The following UBR3 variants were observed in gnomAD, a reference collection of about 807,000 sequenced individuals.
The protein encoded by UBR3 is ubiquitin protein ligase E3 component n-recognin 3.
Under a neutral mutation model 243.2 loss-of-function variants are expected in UBR3, and 85 were observed. The ratio of observed to expected loss-of-function variants is 0.35; its 90% CI spans 0.29 to 0.42. The LOEUF (loss-of-function observed/expected upper bound fraction) is 0.42, where lower values mean the gene tolerates loss of function less well. Among genes scored for constraint, UBR3 ranks in the 10% least tolerant of loss-of-function variants. UBR3 has a pLI of 1.00. For synonymous variants in UBR3, 748 were observed against 799.8 expected (o/e 0.94, Z 1.09); for missense variants, 1,686 against 2,300.8 (o/e 0.73, Z 5.47).
intron 30 of UBR3, among the ~76,000 whole-genome samples, chr2:170,025,825 C>T (rs1466276962): frequency 6.6e-6 from 1 of 152,136 alleles, no homozygotes; most frequent in Admixed American, 6.6e-5. Context: ...GTAGTGGTGT[C>T]ATTCACTCAA....
intron 30 of UBR3, among the ~76,000 whole-genome samples, chr2:170,025,945 T>A (rs1460855437): frequency 1.3e-5 from 2 of 152,100 alleles, no homozygotes; most frequent in South Asian, 2.1e-4. Context: ...ATCAGGTTAG[T>A]CTGGGTGTAT....
intron 8 of UBR3, among the ~76,000 whole-genome samples, chr2:169,900,066 C>T (rs1337830898): frequency 5.9e-5 from 9 of 152,168 alleles, no homozygotes; most frequent in African/African-American, 1.9e-4. Context: ...CTTGAGGAAT[C>T]GCCACACTGT....
At chr2:169,964,571 G>A in intron 24 of UBR3, 3 of 407,770 alleles carry the variant, frequency 7.4e-6, no homozygotes, top group South Asian at 3.8e-5. Flanking sequence ...GAAATGGGAA[G>A]CTCAGGCAGA....
intron 14 of UBR3, 98 bp downstream of exon 14, chr2:169,925,845 GC>G: frequency 9.0e-7 from 1 of 1,108,686 alleles, no homozygotes; most frequent in East Asian, 3.0e-5. Context: ...ACATGGAGAG[GC>G]CAATGCCATT....
intron 35 of UBR3, among the ~76,000 whole-genome samples, chr2:170,072,815 GA>G (rs1335610326): frequency 6.6e-6 from 1 of 151,890 alleles, no homozygotes; most frequent in Non-Finnish European, 1.5e-5. Context: ...AGGGATTGGG[GA>G]ATATATTTCT....
chr2:169,852,880 AAAACC>A lies in UBR3; in HGVS notation c.546-19351_546-19347del, dbSNP rs1559021215. 7.4e-5 allele frequency among the ~76,000 whole-genome samples: 4 copies of A among 54,328 alleles called. 2 individuals carry two copies. The highest frequency in any genetic ancestry group is 2.5e-4 in the Non-Finnish European group (4 of 16,256). 35.6% of individuals were successfully genotyped at this position (54,328 alleles called of 152,430 possible). A position where few individuals can be genotyped will look rare whatever the true frequency, so the allele number is the denominator to read the frequency against. On this transcript the variant is annotated intron_variant, in intron 1 of 38. Coordinates refer to ENST00000272793, the MANE Select transcript of UBR3 (RefSeq NM_172070.4). ...AAAAAAAAAAAAAAAAAAAAAAAACAAAACCAAACAAATTGAGTCCTTTAAGAGAG... is the reference window on the plus strand; with the variant it reads ...AAAAAAAAAAAAAAAAAAAAAAAACAAAACAAATTGAGTCCTTTAAGAGAG...
chr2:169,901,537 A>G (rs543594831), intron 8 of UBR3, among the ~76,000 whole-genome samples: 18 of 152,322 alleles, frequency 1.2e-4, no homozygotes, highest in Admixed American at 9.8e-4. Flanking sequence ...AGCCACGGAT[A>G]TTACAACAGG....
At chr2:169,979,206 A>G (rs2105382535) in intron 24 of UBR3, among the ~76,000 whole-genome samples, 1 of 152,344 alleles carries the variant, frequency 6.6e-6, no homozygotes, top group South Asian at 2.1e-4. Context: ...CAACAGTGAG[A>G]TACCACTACA....
intron 11 of UBR3, 107 bp downstream of exon 11, chr2:169,914,253 C>T (rs975043696): frequency 2.2e-5 from 11 of 496,534 alleles, no homozygotes; most frequent in South Asian, 6.4e-5. Context: ...TTTTCATAGG[C>T]GAGGGAAGGA....
chr2:169,828,125 C>T, intron 1 of UBR3, 73 bp downstream of exon 1: 3 of 1,262,520 alleles, frequency 2.4e-6, no homozygotes, highest in South Asian at 1.9e-5. Context: ...GAGCGGAGCA[C>T]TGGGAGCCCA....
At chr2:169,893,728 A>G (rs2084465075) in intron 6 of UBR3, among the ~76,000 whole-genome samples, 1 of 151,622 alleles carries the variant, frequency 6.6e-6, no homozygotes, top group South Asian at 2.1e-4. Flanking sequence ...CACCTGGCTG[A>G]TTTTCGTATT....
At chr2:170,028,991 T>C (rs2090603041) in intron 30 of UBR3, among the ~76,000 whole-genome samples, 1 of 151,798 alleles carries the variant, frequency 6.6e-6, no homozygotes, top group Non-Finnish European at 1.5e-5. Flanking sequence ...GGGTAGAGGA[T>C]TGAAGATAAT....
At chr2:169,886,375 C>T (rs2084101144) in intron 5 of UBR3, among the ~76,000 whole-genome samples, 2 of 152,104 alleles carry the variant, frequency 1.3e-5, no homozygotes, top group Admixed American at 6.5e-5. Flanking sequence ...TACTTCCAAT[C>T]GTAGGGAGCT....
chr2:169,939,294 TG>T (rs1485822369), intron 19 of UBR3, among the ~76,000 whole-genome samples: 1 of 150,684 alleles, frequency 6.6e-6, no homozygotes, highest in Non-Finnish European at 1.5e-5. Flanking sequence ...AGTCTCGCCC[TG>T]TTGCCCAGGC....
intron 38 of UBR3, 73 bp from the exon 39 acceptor site, chr2:170,081,653 A>G (rs2091909318): frequency 5.6e-5 from 67 of 1,201,764 alleles, no homozygotes; most frequent in Admixed American, 9.6e-5. Context: ...TGTCTCAGAA[A>G]AAAAAGAAGA....
At chr2:170,055,324 AAAAC>A (rs1222895027) in intron 32 of UBR3, 132 bp from the exon 33 acceptor site, 3 of 1,027,246 alleles carry the variant, frequency 2.9e-6, no homozygotes, top group African/African-American at 1.6e-5. Context: ...CCTCGTCTCA[AAAAC>A]AAACAAAAAA....
At chr2:170,011,626 C>CTTTTTTT (rs35877456) in intron 29 of UBR3, among the ~76,000 whole-genome samples, 19 of 123,290 alleles carry the variant, frequency 1.5e-4, no homozygotes, top group Middle Eastern at 4.7e-3. Context: ...TACAGCTTTT[C>CTTTTTTT]TTTTTTTTTT....
intron 1 of UBR3, among the ~76,000 whole-genome samples, chr2:169,867,627 A>G (rs978671874): frequency 1.3e-5 from 2 of 152,238 alleles, no homozygotes; most frequent in African/African-American, 2.4e-5. Flanking sequence ...TTACACTTCC[A>G]TGTATACAAC....
At chr2:169,995,134 A>G (rs947161429) in intron 26 of UBR3, among the ~76,000 whole-genome samples, 13 of 152,158 alleles carry the variant, frequency 8.5e-5, no homozygotes, top group Non-Finnish European at 1.9e-4. Context: ...GTAAAAATTT[A>G]TAAAGTATAT....
Sources: allele counts gnomAD v4.1 joint callset (sites outside exome capture counted in the v4.1 genomes callset), GRCh38; gene constraint gnomAD v4.1.1; transcripts MANE v1.5; gene names NCBI Gene and HGNC (gene_info 2026-07-23, HGNC 2026-07-21).